The following TMEM132D variants were observed in gnomAD, a reference collection of about 807,000 sequenced individuals.
The protein encoded by TMEM132D is mature OL transmembrane protein.
Under a neutral mutation model 62.3 loss-of-function variants are expected in TMEM132D, and 21 were observed. The ratio of observed to expected loss-of-function variants is 0.34; its 90% CI spans 0.24 to 0.49. The LOEUF is 0.49. TMEM132D is among the 20% of genes least tolerant of loss of function. The pLI, the probability that TMEM132D is intolerant of heterozygous loss-of-function variation, is 0.99. For missense variants in TMEM132D, 1,346 were observed against 1,402.8 expected (o/e 0.96, Z 0.65); for synonymous variants, 621 against 575.6 (o/e 1.08, Z -1.13).
At chr12:129,478,181 C>T (rs981472053) in intron 3 of TMEM132D, among the ~76,000 whole-genome samples, 1 of 152,162 alleles carries the variant, frequency 6.6e-6, no homozygotes, top group African/African-American at 2.4e-5. Context: ...AGGCCACTTA[C>T]CATGAATAAA....
At chr12:129,863,724 G>A (rs753121721) in intron 1 of TMEM132D, among the ~76,000 whole-genome samples, 26 of 152,184 alleles carry the variant, frequency 1.7e-4, no homozygotes, top group Middle Eastern at 3.4e-3. Context: ...ATATCCCCAC[G>A]ATATTTTAAT....
chr12:129,357,228 C>T (rs1200613570), intron 3 of TMEM132D, among the ~76,000 whole-genome samples: 6 of 123,736 alleles, frequency 4.8e-5, no homozygotes, highest in African/African-American at 1.9e-4. Flanking sequence ...GCCTGGGTGA[C>T]AGAGTGAGAC....
At chr12:129,644,911 A>C (rs1879732893) in intron 2 of TMEM132D, among the ~76,000 whole-genome samples, 1 of 146,186 alleles carries the variant, frequency 6.8e-6, no homozygotes, top group Non-Finnish European at 1.5e-5. Context: ...GTCTGAACCC[A>C]GGAGGCGGAG....
intron 4 of TMEM132D, among the ~76,000 whole-genome samples, chr12:129,296,840 T>C (rs561525884): frequency 6.6e-6 from 1 of 152,310 alleles, no homozygotes; most frequent in African/African-American, 2.4e-5. Context: ...GGTGTGAGTA[T>C]ACACTACCAA....
chr12:129,638,746 A>G (rs1301974106), intron 2 of TMEM132D, among the ~76,000 whole-genome samples: 1 of 152,042 alleles, frequency 6.6e-6, no homozygotes, highest in Non-Finnish European at 1.5e-5. Flanking sequence ...AGGGGAGTAC[A>G]TCAACCACAC....
At chr12:129,447,296 T>C (rs1354779506) in intron 3 of TMEM132D, among the ~76,000 whole-genome samples, 1 of 152,232 alleles carries the variant, frequency 6.6e-6, no homozygotes, top group Non-Finnish European at 1.5e-5. Flanking sequence ...TAACTGACAC[T>C]ATTATGCAAA....
chr12:129,614,391 T>C (rs1328503919), intron 2 of TMEM132D, among the ~76,000 whole-genome samples: 2 of 152,176 alleles, frequency 1.3e-5, no homozygotes, highest in African/African-American at 4.8e-5. Flanking sequence ...GACGGGAAGG[T>C]GGGTGAACTC....
At chr12:129,588,702 G>A (rs1277234595) in intron 2 of TMEM132D, among the ~76,000 whole-genome samples, 1 of 146,320 alleles carries the variant, frequency 6.8e-6, no homozygotes, top group East Asian at 2.0e-4. Flanking sequence ...AGCTTCCCAA[G>A]TAGCTGGGAC....
At chr12:129,717,629 T>C (rs1414067583) in intron 1 of TMEM132D, among the ~76,000 whole-genome samples, 1 of 150,172 alleles carries the variant, frequency 6.7e-6, no homozygotes, top group East Asian at 1.9e-4. Context: ...CCCACAGAAA[T>C]GTGTCCAGTG....
At chr12:129,742,913 T>G (rs1869653708) in intron 1 of TMEM132D, among the ~76,000 whole-genome samples, 3 of 152,240 alleles carry the variant, frequency 2.0e-5, no homozygotes, top group Non-Finnish European at 4.4e-5. Context: ...AAGAACCCAC[T>G]GGGAAGCCAG....
intron 1 of TMEM132D, among the ~76,000 whole-genome samples, chr12:129,776,571 T>C (rs928665954): frequency 8.6e-5 from 13 of 151,984 alleles, no homozygotes; most frequent in African/African-American, 3.1e-4. Flanking sequence ...TCATACGAAA[T>C]CACATCTCTA....
At chr12:129,278,631 G>A (rs527500072) in intron 4 of TMEM132D, among the ~76,000 whole-genome samples, 1 of 152,264 alleles carries the variant, frequency 6.6e-6, no homozygotes, top group East Asian at 1.9e-4. Flanking sequence ...GTTCAAATGA[G>A]GTCCCTCCAG....
intron 3 of TMEM132D, among the ~76,000 whole-genome samples, chr12:129,469,383 T>C (rs1334675626): frequency 6.6e-6 from 1 of 152,148 alleles, no homozygotes; most frequent in Non-Finnish European, 1.5e-5. Flanking sequence ...TGGGAGCTTG[T>C]TAAAAATGCA....
In TMEM132D at chr12:129,597,106, G is replaced by A. The variant is rs916870535; in HGVS notation, c.969-65901C>T. On this transcript the variant is annotated intron_variant, in intron 2 of 8. Transcript: ENST00000422113. ...TTTCACTTAGGGGAATGATATTTTC[G>A]TCCTTGGACTGCCTGAGGGAACATG... 8.5e-5 allele frequency among the ~76,000 whole-genome samples: 13 copies of A among 152,126 alleles called. No individual in the cohort carries two copies. In the South Asian group the frequency reaches 1.0e-3, roughly 12 times the overall value.
rs1190042990 is a variant in TMEM132D at position 129,746,038 on chromosome 12, A to G, written c.80-45340T>C. Among the ~76,000 whole-genome samples the G allele has an allele frequency of 3.3e-5, 5 of 152,294 alleles. No individual in the cohort carries two copies. In the East Asian group the frequency reaches 5.8e-4, roughly 18 times the overall value. On this transcript the variant is annotated intron_variant, in intron 1 of 8. Transcript: ENST00000422113. ...GACCTGGACCATGAGAGAGATCCAG[A>G]AGGAGGAATGAGCTTTCCCAAACAA...
chr12:129,591,830 C>T (rs1878199104), intron 2 of TMEM132D, among the ~76,000 whole-genome samples: 1 of 151,974 alleles, frequency 6.6e-6, no homozygotes, highest in African/African-American at 2.4e-5. Context: ...GGACATGATG[C>T]ATATTTAAAT....
At chr12:129,250,218 C>T (rs1052591829) in intron 4 of TMEM132D, among the ~76,000 whole-genome samples, 3 of 152,100 alleles carry the variant, frequency 2.0e-5, no homozygotes, top group Admixed American at 6.5e-5. Flanking sequence ...TCTCAATGAC[C>T]GAGCCCAACC....
intron 4 of TMEM132D, among the ~76,000 whole-genome samples, chr12:129,268,278 C>T (rs1880751105): frequency 6.6e-6 from 1 of 152,076 alleles, no homozygotes. Context: ...TTTTTGCAAC[C>T]TACTCATCTG....
chr12:129,235,636 A>G (rs113765529), intron 4 of TMEM132D, among the ~76,000 whole-genome samples: 1,787 of 152,262 alleles, frequency 0.012, 34 homozygotes, highest in African/African-American at 0.04. Flanking sequence ...CATTTAGGAT[A>G]TTATAAATAA....
Sources: allele counts gnomAD v4.1 joint callset (sites outside exome capture counted in the v4.1 genomes callset), GRCh38; gene constraint gnomAD v4.1.1; transcripts MANE v1.5; gene names NCBI Gene and HGNC (gene_info 2026-07-23, HGNC 2026-07-21).